The following NPAS3 variants were observed in gnomAD, a reference collection of about 807,000 sequenced individuals.
The protein encoded by NPAS3 is neuronal PAS domain protein 3.
NPAS3 carries 14 observed loss-of-function variants against 73.1 expected under a neutral mutation model. That is an observed-to-expected ratio of 0.19 (90% confidence interval 0.13 to 0.30). The LOEUF is 0.30. Among genes scored for constraint, NPAS3 ranks in the 10% least tolerant of loss-of-function variants. The probability of loss-of-function intolerance (pLI) is 1.00; values close to 1 mark genes in which losing one functional copy is unlikely to be tolerated. For missense variants in NPAS3, 1,096 were observed against 1,250.0 expected (o/e 0.88, Z 1.86); for synonymous variants, 620 against 541.5 (o/e 1.14, Z -2.01).
chr14:33,113,150 G>A (rs1190005990), intron 2 of NPAS3, among the ~76,000 whole-genome samples: 2 of 152,080 alleles, frequency 1.3e-5, no homozygotes, highest in South Asian at 4.1e-4. Flanking sequence ...GGCAATGCAG[G>A]CTCTTTTTTG....
At chr14:33,511,825 A>AT (rs1358805289) in intron 4 of NPAS3, among the ~76,000 whole-genome samples, 1 of 152,028 alleles carries the variant, frequency 6.6e-6, no homozygotes, top group African/African-American at 2.4e-5. Context: ...GATAGCAGGT[A>AT]TTTTTGGTTT....
chr14:33,198,567 T>C (rs900121495), intron 2 of NPAS3, among the ~76,000 whole-genome samples: 4 of 152,198 alleles, frequency 2.6e-5, no homozygotes, highest in African/African-American at 9.6e-5. Context: ...GATTGGTGCA[T>C]TTACAAACCT....
At chr14:33,723,732 A>G (rs1237599154) in intron 6 of NPAS3, among the ~76,000 whole-genome samples, 3 of 151,704 alleles carry the variant, frequency 2.0e-5, no homozygotes, top group African/African-American at 7.3e-5. Context: ...AAAAAAAGAA[A>G]AGAAAAGAAA....
chr14:33,797,307 C>G, intron 10 of NPAS3, 150 bp from the exon 11 acceptor site: 1 of 838,290 alleles, frequency 1.2e-6, no homozygotes, highest in Non-Finnish European at 1.8e-6. Flanking sequence ...TCCATAAAAT[C>G]CCATGAAGAG....
At chr14:33,226,829 G>A (rs750135603) in intron 3 of NPAS3, among the ~76,000 whole-genome samples, 15 of 152,234 alleles carry the variant, frequency 9.9e-5, no homozygotes, top group African/African-American at 2.6e-4. Context: ...TATTATTTAC[G>A]TATAATTTTA....
intron 1 of NPAS3, among the ~76,000 whole-genome samples, chr14:33,006,050 C>G (rs573907170): frequency 6.6e-6 from 1 of 152,152 alleles, no homozygotes; most frequent in Admixed American, 6.5e-5. Context: ...TCCCCTGACT[C>G]GGCACATTGA....
At chr14:33,195,047 A>AG (rs2046302188) in intron 2 of NPAS3, among the ~76,000 whole-genome samples, 1 of 147,228 alleles carries the variant, frequency 6.8e-6, no homozygotes, top group Admixed American at 7.1e-5. Context: ...AGATACAGAT[A>AG]ATTGATTGAT....
downstream of NPAS3, chr14:33,801,152 G>A (rs1280774745): frequency 1.0e-5 from 16 of 1,534,178 alleles, no homozygotes; most frequent in African/African-American, 8.3e-5. Flanking sequence ...GCTTGGAGGA[G>A]GCATCGTCGG....
At chr14:33,702,735 A>G (rs988953845) in intron 6 of NPAS3, among the ~76,000 whole-genome samples, 8 of 152,210 alleles carry the variant, frequency 5.3e-5, no homozygotes, top group African/African-American at 1.7e-4. Flanking sequence ...GCAAGAAGAT[A>G]GAGACCTCAT....
intron 3 of NPAS3, among the ~76,000 whole-genome samples, chr14:33,322,620 A>AT (rs2043506926): frequency 6.6e-6 from 1 of 151,966 alleles, no homozygotes; most frequent in Admixed American, 6.6e-5. Context: ...CTAAATGTTT[A>AT]TTTTTTTAAA....
chr14:33,277,325 C>G (rs927416544), intron 3 of NPAS3, among the ~76,000 whole-genome samples: 3 of 152,114 alleles, frequency 2.0e-5, no homozygotes, highest in Admixed American at 6.6e-5. Context: ...AACTGGCTAC[C>G]ATATGCAGTT....
chr14:33,740,344 G>A (rs1057451304), intron 7 of NPAS3, among the ~76,000 whole-genome samples: 1 of 152,152 alleles, frequency 6.6e-6, no homozygotes, highest in African/African-American at 2.4e-5. Context: ...GATTTCAAAA[G>A]CCTTCTTTCC....
chr14:33,676,459 G>C (rs1177383485), intron 6 of NPAS3, 74 bp downstream of exon 6: 2 of 1,294,492 alleles, frequency 1.5e-6, no homozygotes, highest in Admixed American at 5.8e-5. Flanking sequence ...AGTTACCCAT[G>C]TGAAGAGACT....
intron 4 of NPAS3, among the ~76,000 whole-genome samples, chr14:33,547,159 C>A (rs148340116): frequency 1.6e-4 from 24 of 152,268 alleles, no homozygotes; most frequent in African/African-American, 5.3e-4. Flanking sequence ...TCCATTTGGT[C>A]TCAAAGGCCA....
chr14:33,303,793 A>AAG (rs10700977), intron 3 of NPAS3, among the ~76,000 whole-genome samples: 114,757 of 152,122 alleles, frequency 0.75, 44,149 homozygotes, highest in African/African-American at 0.92. Context: ...TGCTGAATAA[A>AAG]AAGAAAATAA....
intron 1 of NPAS3, among the ~76,000 whole-genome samples, chr14:32,994,616 TTG>T (rs1491016578): frequency 7.3e-6 from 1 of 137,182 alleles, no homozygotes; most frequent in Non-Finnish European, 1.5e-5. Flanking sequence ...TTCTAGTTTT[TTG>T]TTTGTTTGTT....
chr14:33,464,121 G>T (rs1018397579), intron 4 of NPAS3, among the ~76,000 whole-genome samples: 1 of 152,060 alleles, frequency 6.6e-6, no homozygotes, highest in Admixed American at 6.6e-5. Context: ...TAAAATGAGG[G>T]ACATTATATC....
intron 1 of NPAS3, among the ~76,000 whole-genome samples, chr14:33,028,588 A>G (rs1566482195): frequency 6.6e-6 from 1 of 152,218 alleles, no homozygotes; most frequent in Non-Finnish European, 1.5e-5. Flanking sequence ...TTATATTTAT[A>G]TAATTCCCAT....
intron 2 of NPAS3, among the ~76,000 whole-genome samples, chr14:33,172,047 G>A (rs1056005155): frequency 2.6e-5 from 4 of 152,098 alleles, no homozygotes; most frequent in Admixed American, 6.6e-5. Flanking sequence ...GTGTGCCATC[G>A]TATATAAGCA....
Sources: allele counts gnomAD v4.1 joint callset (sites outside exome capture counted in the v4.1 genomes callset), GRCh38; gene constraint gnomAD v4.1.1; transcripts MANE v1.5; gene names NCBI Gene and HGNC (gene_info 2026-07-23, HGNC 2026-07-21).